The following GYG2 variants were observed in gnomAD, a reference collection of about 807,000 sequenced individuals.
The protein encoded by GYG2 is glycogenin-2.
In GYG2, 29 loss-of-function variants were observed where a neutral mutation model predicts 29.4. The observed-to-expected ratio is 0.99, with a 90% CI of 0.74 to 1.35. GYG2 has a LOEUF of 1.35. Among genes scored for constraint, GYG2 ranks in the 40% most tolerant of loss-of-function variants. The pLI is 0.00. For synonymous variants in GYG2, 167 were observed against 172.3 expected (o/e 0.97, Z 0.24); for missense variants, 370 against 385.7 (o/e 0.96, Z 0.34).
chrX:2,879,270 CTTTTT>C (rs752455317), intron 10 of GYG2, among the ~76,000 whole-genome samples: 2 of 93,468 alleles, frequency 2.1e-5, no homozygotes, highest in Non-Finnish European at 2.1e-5. Flanking sequence ...TATCTATTTT[CTTTTT>C]TTTTTTTTTT....
chrX:2,878,217 T>C, intron 10 of GYG2: 5 of 745,250 alleles, frequency 6.7e-6, no homozygotes, highest in Non-Finnish European at 7.9e-6. Flanking sequence ...AAGACCTACG[T>C]TGGACAGCTC....
At chrX:2,879,033 TTTG>T (rs2147281111) in intron 10 of GYG2, among the ~76,000 whole-genome samples, 1 of 111,579 alleles carries the variant, frequency 9.0e-6, no homozygotes, top group East Asian at 2.8e-4. Flanking sequence ...TTTTAATTTA[TTTG>T]TTAACTCTTG....
In GYG2 at chrX:2,861,581, G is replaced by T. The variant is rs775608722; in HGVS notation, c.897G>T (p.Pro299=). 7 of 1,206,260 alleles carry T rather than the reference G, an allele frequency of 5.8e-6. No homozygotes were observed. The East Asian group carries it at 1.8e-4, about 31-fold the overall frequency. The part of the protein sequence containing the change: ...CADSASGVGE[P]CENSTPSAGV... ...ATTCAGCCTCTGGTGTTGGAGAGCC[G>T]TGTGAAAATTCAACACCCAGTGCGG... Residue 299 remains proline (P), a synonymous_variant, in exon 8 of 11, where the codon CCG becomes CCT. Coordinates refer to ENST00000398806, the MANE Select transcript of GYG2 (RefSeq NM_001079855.2).
chrX:2,847,791 C>T (rs768465623), intron 3 of GYG2, among the ~76,000 whole-genome samples: 32 of 111,045 alleles, frequency 2.9e-4, no homozygotes, highest in Admixed American at 2.1e-3. Context: ...ACATTTAAAA[C>T]ATAGAGAAAT....
intron 8 of GYG2, among the ~76,000 whole-genome samples, chrX:2,874,233 T>A (rs1305716223): frequency 8.9e-6 from 1 of 112,973 alleles, no homozygotes; most frequent in Non-Finnish European, 1.9e-5. Flanking sequence ...TAATGACTTT[T>A]GGGGGTGTTC....
At chrX:2,829,291 C>A in intron 1 of GYG2, 1 of 94,542 alleles carries the variant, frequency 1.1e-5, no homozygotes. Flanking sequence ...AGCCAGGGCA[C>A]CGAGTGCTGG....
intron 2 of GYG2, among the ~76,000 whole-genome samples, chrX:2,837,508 G>A (rs183816266): frequency 4.5e-5 from 5 of 110,823 alleles, no homozygotes; most frequent in African/African-American, 6.6e-5. Context: ...TGAGCATCTC[G>A]AAGGTGGACA....
Position 2,875,856 on chromosome X carries a change from A to G in GYG2, c.1085A>G (p.Asp362Gly). 1 of 1,198,842 alleles carries G rather than the reference A, an allele frequency of 8.3e-7. No homozygotes were observed. The highest frequency in any genetic ancestry group is 2.3e-4 in the Middle Eastern group (1 of 4,327). The change falls in exon 9 of 11, where the codon GAC becomes GGC. Residue 362 changes from aspartate to glycine, a missense_variant. Asp to Gly is a moderately conservative substitution (Grantham distance 94). Transcript: ENST00000398806. ...ETETPAVITC[D>G]PLSQPSPQPA... Reference sequence around the variant, plus strand: ...GAGACTCCTGCCGTGATAACGTGTGACCCACTGTCCCAGCCTTCCCCTCAG... The same window carrying G: ...GAGACTCCTGCCGTGATAACGTGTGGCCCACTGTCCCAGCCTTCCCCTCAG...
At chrX:2,864,240 C>A (rs892634389) in intron 8 of GYG2, among the ~76,000 whole-genome samples, 1 of 111,846 alleles carries the variant, frequency 8.9e-6, no homozygotes, top group East Asian at 2.8e-4. Flanking sequence ...CCACGGTGGT[C>A]GGGGCACAGC....
rs147933260 is a variant in GYG2, at chrX:2,833,386, G to T, written c.7+3191G>T. Among the ~76,000 whole-genome samples, 84 of 110,610 alleles carry T rather than the reference G, an allele frequency of 7.6e-4. 2 individuals carry two copies. In the East Asian group the frequency reaches 0.022, roughly 30 times the overall value. ...CACATTCAGAGGTTCTGTGGGGTAGGGTTTCATCCTAGGCGTTTCAGGATG... is the reference window on the plus strand; with the variant it reads ...CACATTCAGAGGTTCTGTGGGGTAGTGTTTCATCCTAGGCGTTTCAGGATG... On this transcript the variant is annotated intron_variant, in intron 2 of 10. Transcript: ENST00000398806.
In GYG2 at chrX:2,847,747, T is replaced by TAAAA. The variant is rs796596676; in HGVS notation, c.149+4395_149+4398dup. 2.0e-3 allele frequency among the ~76,000 whole-genome samples: 205 copies of TAAAA among 104,452 alleles called. 1 individual carries two copies. The East Asian group carries it at 0.036, about 18-fold the overall frequency. The allele number at this position is 104,452 out of a possible 115,157, so 90.7% of individuals were successfully genotyped here. ...ATAAATAAATAAATAAATAAATAAA[T>TAAAA]AAAAATCCACATAGATTATAAATAT... On this transcript the variant is annotated intron_variant, in intron 3 of 10. Transcript: ENST00000398806.
Position 2,881,475 on chromosome X carries a change from G to T in GYG2, c.*262G>T. 1 of 294,223 alleles carries T rather than the reference G, an allele frequency of 3.4e-6. No individual in the cohort carries two copies. Among genetic ancestry groups the T allele is most frequent in the East Asian group, 6.2e-5 (1 of 16,149 alleles). 24.2% of individuals were successfully genotyped at this position (294,223 alleles called of 1,213,427 possible). On this transcript the variant is annotated 3_prime_UTR_variant, in exon 11 of 11. Transcript: ENST00000398806. ...TACCCTTGAAGCTGTCGGCAAAAGC[G>T]AGCAGTAATAACATTCTAGTAGACT... is the stretch of plus-strand genomic sequence containing the variant.
At position 2,859,966 on chromosome X, in the gene GYG2, G is replaced by A. The variant is rs142728445; in HGVS notation, c.738G>A (p.Ala246=). 2.5e-6 allele frequency: 3 copies of A among 1,203,737 alleles called. No homozygotes were observed. The highest frequency in any genetic ancestry group is 2.2e-5 in the Admixed American group (1 of 45,787). The change falls in exon 7 of 11, where the codon GCG becomes GCA. Residue 246 remains alanine, a synonymous_variant. Transcript: ENST00000398806. ...QGSASSSQHQ[A]AFLHLWWTVY... ...CAGCGTCCAGCAGCCAGCACCAGGC[G>A]GCATTCCTTCATCTCTGGTGGACGG... is the stretch of plus-strand genomic sequence containing the variant.
At chrX:2,860,496 A>T (rs2088133907) in intron 7 of GYG2, among the ~76,000 whole-genome samples, 1 of 110,707 alleles carries the variant, frequency 9.0e-6, no homozygotes, top group African/African-American at 3.3e-5. Flanking sequence ...GAATATAATG[A>T]CAGCCCCTCG....
chrX:2,877,774 A>G lies in GYG2; in HGVS notation c.1251+467A>G, dbSNP rs564816338. 5.1e-4 allele frequency: 383 copies of G among 748,889 alleles called. No homozygotes were observed. The South Asian group carries it at 0.012, about 23-fold the overall frequency. The allele number at this position is 748,889 out of a possible 1,213,427, so 61.7% of individuals were successfully genotyped here. A position where few individuals can be genotyped will look rare whatever the true frequency, so the allele number is the denominator to read the frequency against. Reference sequence around the variant, plus strand: ...CCTCTTAGAGATGTTTTCATCTTCAACTACGTTCTCTCCATTGATGCATTT... The same window carrying G: ...CCTCTTAGAGATGTTTTCATCTTCAGCTACGTTCTCTCCATTGATGCATTT... On this transcript the variant is annotated intron_variant, in intron 10 of 10. Coordinates refer to ENST00000398806, the MANE Select transcript of GYG2 (RefSeq NM_001079855.2).
At chrX:2,845,093 A>G (rs745832221) in intron 3 of GYG2, among the ~76,000 whole-genome samples, 2 of 73,797 alleles carry the variant, frequency 2.7e-5, no homozygotes, top group Admixed American at 1.6e-4. Flanking sequence ...GTGTGTATGT[A>G]TATTTATATA....
chrX:2,871,142 C>CA (rs1569073811), intron 8 of GYG2, among the ~76,000 whole-genome samples: 2 of 109,824 alleles, frequency 1.8e-5, no homozygotes, highest in Non-Finnish European at 3.8e-5. Context: ...TGGTTCTCCT[C>CA]TCAGTGAGGT....
chrX:2,854,079 G>T lies in GYG2; in HGVS notation c.249G>T (p.Gly83=). ...CCTTTCTGAAGAGACCTGAGCTCGG[G>T]CTCACCCTCACCAAGCTTCACTGTT... ...HLAFLKRPEL[G]LTLTKLHCWT... is the part of the protein sequence containing the mutation. Residue 83 remains glycine, a synonymous_variant, in exon 4 of 11, where the codon GGG becomes GGT. Coordinates refer to ENST00000398806, the MANE Select transcript of GYG2 (RefSeq NM_001079855.2). 8.3e-7 allele frequency: 1 copy of T among 1,205,541 alleles called. No homozygotes were observed. The highest frequency in any genetic ancestry group is 1.1e-6 in the Non-Finnish European group (1 of 890,299).
intron 6 of GYG2, among the ~76,000 whole-genome samples, chrX:2,857,681 T>C (rs1277042537): frequency 2.7e-5 from 3 of 110,802 alleles, no homozygotes; most frequent in African/African-American, 9.8e-5. Context: ...TATATATGTA[T>C]ATACACACAC....
Sources: gnomAD v4.1 joint callset for allele counts (sites outside exome capture counted in the v4.1 genomes callset) on GRCh38, gnomAD v4.1.1 for gene constraint, MANE v1.5 for transcripts, NCBI Gene and HGNC (gene_info 2026-07-23, HGNC 2026-07-21) for gene names.